Variants in RNF220 observed in about 807,000 individuals in gnomAD.
RNF220 encodes ring finger protein 220, also known as E3 ubiquitin-protein ligase RNF220.
In RNF220, 7 loss-of-function variants were observed where a neutral mutation model predicts 67.1. The observed-to-expected ratio is 0.10, with a 90% CI of 0.06 to 0.20. The LOEUF (loss-of-function observed/expected upper bound fraction) is 0.20, where lower values mean the gene tolerates loss of function less well. Ranked by LOEUF, RNF220 falls within the 10% of genes least tolerant of loss-of-function variation. The pLI is 1.00. For missense variants in RNF220, 565 were observed against 740.3 expected, an observed-to-expected ratio of 0.76 and a Z score of 2.75; for synonymous variants, 270 against 283.2, an observed-to-expected ratio of 0.95 and a Z score of 0.47.
intron 2 of RNF220, among the ~76,000 whole-genome samples, chr1:44,551,648 A>G (rs1461260201): frequency 1.3e-5 from 2 of 152,194 alleles, no homozygotes; most frequent in African/African-American, 4.8e-5. Context: ...CACATTATCA[A>G]TTTTTAAATC....
rs544784076 is a variant in RNF220, at chr1:44,436,768, T to G, written c.625+24046T>G. 3.3e-5 allele frequency among the ~76,000 whole-genome samples: 5 copies of G among 152,312 alleles called. No individual in the cohort carries two copies. The South Asian group carries it at 8.3e-4, about 25-fold the overall frequency. ...AGGATTAGATTCTCCTTAAGAAGCA[T>G]GTGAAGTTGGAAACTTGGGAGATGG... On this transcript the variant is annotated intron_variant, in intron 2 of 14. Transcript: ENST00000361799.
intron 2 of RNF220, among the ~76,000 whole-genome samples, chr1:44,474,546 A>C (rs764230859): frequency 5.1e-4 from 77 of 151,436 alleles, no homozygotes; most frequent in Non-Finnish European, 2.9e-4. Context: ...CTGTCTCTTC[A>C]GAAAATTTAA....
At chr1:44,632,612 C>T (rs1644194101) in intron 6 of RNF220, 1 of 586,084 alleles carries the variant, frequency 1.7e-6, no homozygotes, top group African/African-American at 2.0e-5. Context: ...TCTAAAGGCC[C>T]TGAAGAACCC....
In RNF220 at chr1:44,565,896, G is replaced by A. The variant is rs941704955; in HGVS notation, c.626-48269G>A. ...AGTCTTGAATCCCACCTCATGGCTGGCCCCCACTGCTGCTTCTCACTCCCC... is the reference window on the plus strand; with the variant it reads ...AGTCTTGAATCCCACCTCATGGCTGACCCCCACTGCTGCTTCTCACTCCCC... On this transcript the variant is annotated intron_variant, in intron 2 of 14. Coordinates refer to ENST00000361799, the MANE Select transcript of RNF220 (RefSeq NM_018150.4). The surrounding 1 kb of genome is among the most constrained non-coding windows in gnomAD (Gnocchi z 4.2). 6.6e-6 allele frequency among the ~76,000 whole-genome samples: 1 copy of A among 152,130 alleles called. No individual in the cohort carries two copies. Among genetic ancestry groups the A allele is most frequent in the Non-Finnish European group, 1.5e-5 (1 of 67,988 alleles).
At position 44,436,413 on chromosome 1, in the gene RNF220, CAT is replaced by C. The variant is rs369605426; in HGVS notation, c.625+23692_625+23693del. On this transcript the variant is annotated intron_variant, in intron 2 of 14. Coordinates refer to ENST00000361799, the MANE Select transcript of RNF220 (RefSeq NM_018150.4). ...GATCGTGTGTGTGCTCACACACACA[CAT>C]GTGTGAGCAAAAGAGAGAATAAAAA... is the stretch of plus-strand genomic sequence containing the variant. 5.8e-3 allele frequency among the ~76,000 whole-genome samples: 503 copies of C among 87,458 alleles called. 3 individuals are homozygous for C. The highest frequency in any genetic ancestry group is 0.02 in the African/African-American group (485 of 24,022). 57.4% of individuals were successfully genotyped at this position (87,458 alleles called of 152,430 possible).
In RNF220 at chr1:44,405,404, G is replaced by GCCGCCGCCGCCGCCGCTGCCT. The variant is rs1647243957; in HGVS notation, c.-237_-217dup. 8.0e-6 allele frequency: 5 copies of GCCGCCGCCGCCGCCGCTGCCT among 627,642 alleles called. No homozygotes were observed. Among genetic ancestry groups the GCCGCCGCCGCCGCCGCTGCCT allele is most frequent in the Non-Finnish European group, 1.4e-5 (5 of 348,254 alleles). 38.9% of individuals were successfully genotyped at this position (627,642 alleles called of 1,614,324 possible). ...TGCTGCTGCTGCTGCTGCCGCTGCC[G>GCCGCCGCCGCCGCCGCTGCCT]CCGCCGCCGCCGCCGCTGCCTCCGC... On this transcript the variant is annotated 5_prime_UTR_variant, in exon 1 of 15. Coordinates refer to ENST00000361799, the MANE Select transcript of RNF220 (RefSeq NM_018150.4).
intron 2 of RNF220, among the ~76,000 whole-genome samples, chr1:44,538,415 T>C (rs181869109): frequency 3.4e-4 from 52 of 152,316 alleles, no homozygotes; most frequent in African/African-American, 1.2e-3. Flanking sequence ...CTTAGTTGCA[T>C]TTCTTGAAAG....
chr1:44,639,584 G>A (rs1222769923), intron 8 of RNF220, among the ~76,000 whole-genome samples: 1 of 152,184 alleles, frequency 6.6e-6, no homozygotes, highest in Non-Finnish European at 1.5e-5. Context: ...CAGGAGGAGT[G>A]GGTAGGGAAA....
intron 2 of RNF220, among the ~76,000 whole-genome samples, chr1:44,516,707 G>T (rs958804515): frequency 2.0e-5 from 3 of 151,972 alleles, no homozygotes; most frequent in African/African-American, 7.3e-5. Context: ...TATGCCATGT[G>T]GTTTTACATG....
intron 2 of RNF220, among the ~76,000 whole-genome samples, chr1:44,587,860 A>G (rs938987483): frequency 3.9e-5 from 6 of 152,324 alleles, no homozygotes; most frequent in East Asian, 3.9e-4. Flanking sequence ...AACTCCCATT[A>G]CCAGATGCGT....
At chr1:44,469,560 T>TATTC (rs35387836) in intron 2 of RNF220, among the ~76,000 whole-genome samples, 46,956 of 151,576 alleles carry the variant, frequency 0.31, 7,392 homozygotes, top group Middle Eastern at 0.4. Flanking sequence ...ATTGGTATAT[T>TATTC]ATTCATTCAT....
intron 2 of RNF220, among the ~76,000 whole-genome samples, chr1:44,469,969 TTGAA>T (rs1260494441): frequency 3.3e-5 from 5 of 152,108 alleles, no homozygotes; most frequent in African/African-American, 1.2e-4. Flanking sequence ...CTTAAAGGGT[TTGAA>T]TGGGATGAAG....
intron 2 of RNF220, among the ~76,000 whole-genome samples, chr1:44,436,763 A>G (rs1275812914): frequency 6.6e-6 from 1 of 152,170 alleles, no homozygotes; most frequent in Non-Finnish European, 1.5e-5. Flanking sequence ...TCTCCTTAAG[A>G]AGCATGTGAA....
chr1:44,426,311 T>C (rs375851265), intron 2 of RNF220, among the ~76,000 whole-genome samples: 1 of 152,198 alleles, frequency 6.6e-6, no homozygotes, highest in Non-Finnish European at 1.5e-5. Flanking sequence ...ATAGCCATGC[T>C]TTATTGGCCA....
chr1:44,441,217 A>G (rs1474988667), intron 2 of RNF220, among the ~76,000 whole-genome samples: 1 of 152,014 alleles, frequency 6.6e-6, no homozygotes, highest in Non-Finnish European at 1.5e-5. Flanking sequence ...GTGCCTCCCC[A>G]TCCCTAAGCA....
chr1:44,639,299 G>A (rs1644420649), intron 8 of RNF220, among the ~76,000 whole-genome samples: 1 of 152,212 alleles, frequency 6.6e-6, no homozygotes, highest in Non-Finnish European at 1.5e-5. Context: ...ACCTATAGTG[G>A]TGAACCATGG....
chr1:44,504,172 C>G (rs2148099470), intron 2 of RNF220, among the ~76,000 whole-genome samples: 1 of 152,300 alleles, frequency 6.6e-6, no homozygotes, highest in East Asian at 1.9e-4. Context: ...AACAGGCTCT[C>G]AGATCATTCT....
At chr1:44,431,363 C>T (rs1650349759) in intron 2 of RNF220, among the ~76,000 whole-genome samples, 1 of 152,016 alleles carries the variant, frequency 6.6e-6, no homozygotes, top group Admixed American at 6.6e-5. Context: ...TAGTGGCCTG[C>T]GCCTGTAATC....
chr1:44,618,738 T>G (rs1338074408), intron 3 of RNF220, among the ~76,000 whole-genome samples: 1 of 151,172 alleles, frequency 6.6e-6, no homozygotes, highest in African/African-American at 2.4e-5. Context: ...GGAGTGTGGG[T>G]TGGGGGAAGA....
Sources: allele counts gnomAD v4.1 joint callset (sites outside exome capture counted in the v4.1 genomes callset), GRCh38; gene constraint gnomAD v4.1.1; non-coding constraint Gnocchi (gnomAD v3.1); transcripts MANE v1.5; gene names NCBI Gene and HGNC (gene_info 2026-07-23, HGNC 2026-07-21).